The following SNX8 variants were observed in gnomAD, a reference collection of about 807,000 sequenced individuals.
SNX8 encodes sorting nexin-8.
In SNX8, 25 loss-of-function variants were observed where a neutral mutation model predicts 51.6. The ratio of observed to expected loss-of-function variants is 0.48; its 90% CI spans 0.35 to 0.68. The LOEUF (loss-of-function observed/expected upper bound fraction) is 0.68, where lower values mean the gene tolerates loss of function less well. Ranked by LOEUF, SNX8 falls within the 30% of genes least tolerant of loss-of-function variation. The probability of loss-of-function intolerance (pLI) is 0.00; values close to 1 mark genes in which losing one functional copy is unlikely to be tolerated. For synonymous variants in SNX8, 324 were observed against 277.0 expected, an observed-to-expected ratio of 1.17 and a Z score of -1.68; for missense variants, 695 against 624.0, an observed-to-expected ratio of 1.11 and a Z score of -1.21.
chr7:2,344,073 G>A (rs896232471), intron 1 of SNX8, among the ~76,000 whole-genome samples: 6 of 150,930 alleles, frequency 4.0e-5, no homozygotes, highest in East Asian at 1.9e-4. Context: ...GTGTGGTGCC[G>A]TGCGCCTGTA....
intron 1 of SNX8, among the ~76,000 whole-genome samples, chr7:2,346,254 T>C (rs142054337): frequency 1.3e-5 from 2 of 151,818 alleles, no homozygotes; most frequent in African/African-American, 2.4e-5. Context: ...AAGTTTGAGC[T>C]CACATAGTGA....
intron 1 of SNX8, among the ~76,000 whole-genome samples, chr7:2,344,360 C>T (rs1185950031): frequency 6.6e-6 from 1 of 151,956 alleles, no homozygotes; most frequent in Non-Finnish European, 1.5e-5. Context: ...ACCTGTAATC[C>T]CAGCACTTTG....
chr7:2,275,568 G>A (rs1022635780), intron 2 of SNX8, among the ~76,000 whole-genome samples: 3 of 152,122 alleles, frequency 2.0e-5, no homozygotes, highest in Non-Finnish European at 1.5e-5. Flanking sequence ...TGGGCATGGT[G>A]GTGGGCGGCT....
intron 1 of SNX8, among the ~76,000 whole-genome samples, chr7:2,294,765 C>T (rs1796233764): frequency 6.6e-6 from 1 of 152,072 alleles, no homozygotes; most frequent in Non-Finnish European, 1.5e-5. Context: ...AGGCCAGCAG[C>T]GGCTCACACC....
chr7:2,260,229 C>G (rs1277713193), intron 7 of SNX8, among the ~76,000 whole-genome samples: 5 of 152,134 alleles, frequency 3.3e-5, no homozygotes, highest in Non-Finnish European at 7.3e-5. Context: ...TCCCGAGTAG[C>G]TGAGATTACA....
At chr7:2,311,003 G>A (rs1386820745) in intron 1 of SNX8, among the ~76,000 whole-genome samples, 1 of 152,122 alleles carries the variant, frequency 6.6e-6, no homozygotes, top group African/African-American at 2.4e-5. Context: ...AATCTACAAT[G>A]TTCTATTCTT....
At chr7:2,353,528 T>C (rs571792398) in intron 1 of SNX8, among the ~76,000 whole-genome samples, 9 of 152,286 alleles carry the variant, frequency 5.9e-5, no homozygotes, top group Admixed American at 5.2e-4. Flanking sequence ...GTGATCCTCC[T>C]GTCTTGGCCT....
At chr7:2,317,035 G>C (rs143604227), upstream of SNX8, among the ~76,000 whole-genome samples, 2 of 152,114 alleles carry the variant, frequency 1.3e-5, no homozygotes, top group African/African-American at 4.8e-5. Flanking sequence ...GGTGAAGGGC[G>C]ATCCCTTCCC....
chr7:2,334,805 C>T (rs1026643057), intron 1 of SNX8, among the ~76,000 whole-genome samples: 1 of 136,384 alleles, frequency 7.3e-6, no homozygotes. Flanking sequence ...GAAGTTGAGG[C>T]TGCAGTGAGC....
intron 9 of SNX8, 39 bp from the exon 10 acceptor site, chr7:2,257,062 C>T (rs767436132): frequency 1.5e-5 from 23 of 1,554,984 alleles, no homozygotes; most frequent in Admixed American, 1.4e-4. Context: ...CCGGCCCAGC[C>T]GGCGACGGGA....
At chr7:2,302,711 G>A (rs925713829) in intron 1 of SNX8, among the ~76,000 whole-genome samples, 7 of 150,546 alleles carry the variant, frequency 4.6e-5, no homozygotes, top group East Asian at 2.0e-4. Context: ...GTCTTTGCCC[G>A]GCCGCCCATC....
At chr7:2,349,281 A>C (rs1398725274) in intron 1 of SNX8, among the ~76,000 whole-genome samples, 1 of 152,114 alleles carries the variant, frequency 6.6e-6, no homozygotes, top group Admixed American at 6.6e-5. Flanking sequence ...TACCATCTTA[A>C]CCACGTTAAA....
intron 1 of SNX8, among the ~76,000 whole-genome samples, chr7:2,321,019 C>T (rs1019150669): frequency 1.3e-5 from 2 of 152,098 alleles, no homozygotes; most frequent in African/African-American, 4.8e-5. Flanking sequence ...CTCTGTCTCA[C>T]AATAAATAAA....
chr7:2,282,977 C>T (rs1161758619), intron 1 of SNX8, among the ~76,000 whole-genome samples: 12 of 150,506 alleles, frequency 8.0e-5, no homozygotes, highest in South Asian at 2.1e-4. Flanking sequence ...AAAAATTAGC[C>T]GGGCGTGGTG....
rs115870022 is a variant in SNX8 at position 2,256,865 on chromosome 7, C to T, written c.1284+9G>A. ...GGCCGAGACGGCGGCCGGAGCAGGGCGGACTCACCTCCTTGTGCCCTTGGA... is the reference window on the plus strand; with the variant it reads ...GGCCGAGACGGCGGCCGGAGCAGGGTGGACTCACCTCCTTGTGCCCTTGGA... On this transcript the variant is annotated intron_variant, in intron 10 of 10. Coordinates refer to ENST00000222990, the MANE Select transcript of SNX8 (RefSeq NM_013321.4). 1.9e-6 allele frequency: 3 copies of T among 1,607,458 alleles called. No individual in the cohort carries two copies. Among genetic ancestry groups the T allele is most frequent in the Non-Finnish European group, 2.6e-6 (3 of 1,176,356 alleles).
At position 2,254,924 on chromosome 7, in the gene SNX8, C is replaced by G. The variant is rs958927897; in HGVS notation, c.*132G>C. ...GCGCCTCCCGACCCGCAGGCGTGAG[C>G]TCCTCTGCTCCAGCTGCAGCACGGG... On this transcript the variant is annotated 3_prime_UTR_variant, in exon 11 of 11. Coordinates refer to ENST00000222990, the MANE Select transcript of SNX8 (RefSeq NM_013321.4). The G allele has an allele frequency of 5.7e-6, 4 of 698,084 alleles. No individual in the cohort carries two copies. The East Asian group carries it at 1.1e-4, about 19-fold the overall frequency. 43.2% of individuals were successfully genotyped at this position (698,084 alleles called of 1,614,324 possible).
intron 1 of SNX8, among the ~76,000 whole-genome samples, chr7:2,338,330 C>T (rs950804161): frequency 4.6e-5 from 7 of 152,152 alleles, no homozygotes; most frequent in Non-Finnish European, 8.8e-5. Flanking sequence ...GGCACGGTGG[C>T]AGGTGCCTGT....
At chr7:2,353,476 C>A (rs1199324529) in intron 1 of SNX8, among the ~76,000 whole-genome samples, 1 of 152,064 alleles carries the variant, frequency 6.6e-6, no homozygotes, top group Non-Finnish European at 1.5e-5. Flanking sequence ...AAGACAGGGT[C>A]TCGCTATGTT....
intron 4 of SNX8, 34 bp downstream of exon 4, chr7:2,271,816 G>A (rs1318599366): frequency 1.1e-5 from 18 of 1,572,980 alleles, no homozygotes; most frequent in Middle Eastern, 1.7e-4. Flanking sequence ...GGGACTCCCC[G>A]GGGCCGGGAC....
Sources: gnomAD v4.1 joint callset for allele counts (sites outside exome capture counted in the v4.1 genomes callset) on GRCh38, gnomAD v4.1.1 for gene constraint, MANE v1.5 for transcripts, NCBI Gene and HGNC (gene_info 2026-07-23, HGNC 2026-07-21) for gene names.